Variants in TENM2 observed in about 807,000 individuals in gnomAD.
TENM2 encodes teneurin transmembrane protein 2, also known as teneurin-2.
Under a neutral mutation model 245.2 loss-of-function variants are expected in TENM2, and 52 were observed. The ratio of observed to expected loss-of-function variants is 0.21; its 90% CI spans 0.17 to 0.27. The LOEUF (loss-of-function observed/expected upper bound fraction) is 0.27, where lower values mean the gene tolerates loss of function less well. Ranked by LOEUF, TENM2 falls within the 10% of genes least tolerant of loss-of-function variation. TENM2 has a pLI of 1.00. For synonymous variants in TENM2, 1,363 were observed against 1,438.9 expected (o/e 0.95, Z 1.19); for missense variants, 3,046 against 3,666.8 (o/e 0.83, Z 4.37).
At chr5:167,272,737 G>A in the TENM2 span, among the ~76,000 whole-genome samples, 1 of 152,042 alleles carries the variant, frequency 6.6e-6, no homozygotes, top group South Asian at 2.1e-4. Flanking sequence ...GGAAATAGCT[G>A]GCTTTCTTGA....
At chr5:167,748,983 G>C (rs924689265) in intron 2 of TENM2, among the ~76,000 whole-genome samples, 1 of 152,068 alleles carries the variant, frequency 6.6e-6, no homozygotes, top group Non-Finnish European at 1.5e-5. Context: ...TTGGTCTCAA[G>C]CCATTCTCTC....
At chr5:167,391,110 G>T (rs1461024642) in intron 2 of TENM2, among the ~76,000 whole-genome samples, 1 of 152,018 alleles carries the variant, frequency 6.6e-6, no homozygotes, top group Non-Finnish European at 1.5e-5. Context: ...ATTATCTAAG[G>T]TGCCATGTCC....
chr5:167,372,939 G>T (rs907800787), intron 1 of TENM2, among the ~76,000 whole-genome samples: 1 of 152,140 alleles, frequency 6.6e-6, no homozygotes, highest in Non-Finnish European at 1.5e-5. Flanking sequence ...ATGCAAACTG[G>T]AACAGAATAC....
rs1761711147 is a variant in TENM2, at chr5:168,199,129, G to T, written c.3162+15G>T. The T allele has an allele frequency of 6.2e-7, 1 of 1,605,124 alleles. No homozygotes were observed. The highest frequency in any genetic ancestry group is 8.5e-7 in the Non-Finnish European group (1 of 1,173,422). On this transcript the variant is annotated intron_variant, in intron 16 of 28. Coordinates refer to ENST00000518659, the Ensembl canonical transcript of TENM2. ...CTGAGACCCAGGTAGGAATGGCAGT[G>T]CCAGGGCGGGACTCTCAGGACTTCC... is the stretch of plus-strand genomic sequence containing the variant.
intron 6 of TENM2, among the ~76,000 whole-genome samples, chr5:168,061,064 G>C (rs889349640): frequency 3.3e-5 from 5 of 152,144 alleles, no homozygotes; most frequent in Admixed American, 1.3e-4. Flanking sequence ...GAAATGAAAA[G>C]ACTCCCCTCA....
chr5:167,742,147 A>G (rs1761220644), intron 2 of TENM2, among the ~76,000 whole-genome samples: 2 of 152,174 alleles, frequency 1.3e-5, no homozygotes. Flanking sequence ...TCTTATGCTG[A>G]GCTTTTGAAA....
At chr5:167,040,953 G>T in the TENM2 span, among the ~76,000 whole-genome samples, 1 of 152,132 alleles carries the variant, frequency 6.6e-6, no homozygotes, top group Admixed American at 6.5e-5. Flanking sequence ...GCTGTGAAGA[G>T]AATTATTTAT....
At chr5:167,270,464 C>G in the TENM2 span, among the ~76,000 whole-genome samples, 8 of 152,056 alleles carry the variant, frequency 5.3e-5, no homozygotes, top group African/African-American at 1.9e-4. Context: ...TATATTATCC[C>G]CACTTTCCAG....
chr5:167,268,926 A>ATAGATAGATAGATAGG, the TENM2 span, among the ~76,000 whole-genome samples: 30 of 144,982 alleles, frequency 2.1e-4, no homozygotes, highest in East Asian at 1.6e-3. Flanking sequence ...AGATAGATAG[A>ATAGATAGATAGATAGG]TAGACAGACA....
chr5:167,657,290 T>C (rs896909261), intron 2 of TENM2, among the ~76,000 whole-genome samples: 1 of 152,250 alleles, frequency 6.6e-6, no homozygotes, highest in Non-Finnish European at 1.5e-5. Context: ...GTTCCACCCA[T>C]GTTGCCATGA....
At chr5:167,008,649 C>G in the TENM2 span, among the ~76,000 whole-genome samples, 1 of 152,136 alleles carries the variant, frequency 6.6e-6, no homozygotes, top group South Asian at 2.1e-4. Flanking sequence ...TGCCTGCATA[C>G]ATGTTGAAAC....
rs1230201467 is a variant in TENM2 at position 167,458,486 on chromosome 5, CAAAAAAACAAAAAAAAAA to C, written c.502+83021_502+83038del. ...TAGGCGACAAAGCAAGACTCCGTCTCAAAAAAACAAAAAAAAAAAAAAAAAAAAAAGACATTTTTGGTT... is the reference window on the plus strand; with the variant it reads ...TAGGCGACAAAGCAAGACTCCGTCTCAAAAAAAAAAAAGACATTTTTGGTT... On this transcript the variant is annotated intron_variant, in intron 2 of 28. Transcript: ENST00000518659. Among the ~76,000 whole-genome samples the C allele has an allele frequency of 2.5e-4, 9 of 35,792 alleles. No homozygotes were observed. The South Asian group carries it at 5.3e-3, about 21-fold the overall frequency. 23.5% of individuals were successfully genotyped at this position (35,792 alleles called of 152,430 possible).
intron 9 of TENM2, among the ~76,000 whole-genome samples, chr5:168,106,591 T>C (rs1268983556): frequency 1.3e-5 from 2 of 152,190 alleles, no homozygotes; most frequent in Admixed American, 6.5e-5. Flanking sequence ...GCCTGGACTT[T>C]CAACACTAGA....
At chr5:167,856,598 A>G (rs1353019551) in intron 2 of TENM2, among the ~76,000 whole-genome samples, 5 of 152,238 alleles carry the variant, frequency 3.3e-5, no homozygotes, top group Admixed American at 6.5e-5. Context: ...CAGAATGCAG[A>G]AAAGCAAATG....
At chr5:167,304,551 GC>G (rs1459022271) in intron 1 of TENM2, among the ~76,000 whole-genome samples, 1 of 152,174 alleles carries the variant, frequency 6.6e-6, no homozygotes, top group African/African-American at 2.4e-5. Context: ...AAGGCATTGA[GC>G]TTGAGTTACA....
At chr5:168,136,496 C>T (rs1318257346) in intron 12 of TENM2, among the ~76,000 whole-genome samples, 1 of 152,236 alleles carries the variant, frequency 6.6e-6, no homozygotes, top group East Asian at 1.9e-4. Context: ...CCCGTGCCAG[C>T]AGCACCATTG....
chr5:167,476,954 T>G (rs752451174), intron 2 of TENM2, among the ~76,000 whole-genome samples: 2 of 152,176 alleles, frequency 1.3e-5, no homozygotes, highest in Admixed American at 6.5e-5. Context: ...TAGAGAATGT[T>G]AAATAGACTA....
intron 2 of TENM2, among the ~76,000 whole-genome samples, chr5:167,484,736 A>G (rs2127533724): frequency 6.6e-6 from 1 of 152,328 alleles, no homozygotes; most frequent in Non-Finnish European, 1.5e-5. Context: ...TGACATTTGA[A>G]AAGATCTAAT....
intron 2 of TENM2, among the ~76,000 whole-genome samples, chr5:167,765,583 T>C (rs1762961212): frequency 6.6e-6 from 1 of 152,224 alleles, no homozygotes; most frequent in Non-Finnish European, 1.5e-5. Context: ...TGGGAAGCCA[T>C]AAATGAAAGT....
Sources: allele counts gnomAD v4.1 joint callset (sites outside exome capture counted in the v4.1 genomes callset), GRCh38; gene constraint gnomAD v4.1.1; transcripts MANE v1.5; gene names NCBI Gene and HGNC (gene_info 2026-07-23, HGNC 2026-07-21).